Variants in STAT4 observed in about 807,000 individuals in gnomAD.
The protein encoded by STAT4 is signal transducer and activator of transcription 4.
Under a neutral mutation model 110.5 loss-of-function variants are expected in STAT4, and 42 were observed. The observed-to-expected ratio is 0.38, with a 90% CI of 0.30 to 0.49. The LOEUF (loss-of-function observed/expected upper bound fraction) is 0.49. Ranked by LOEUF, STAT4 falls within the 20% of genes least tolerant of loss-of-function variation. The probability of loss-of-function intolerance (pLI) is 0.95; values close to 1 mark genes in which losing one functional copy is unlikely to be tolerated. For missense variants in STAT4, 632 were observed against 887.9 expected (o/e 0.71, Z 3.66); for synonymous variants, 284 against 302.2 (o/e 0.94, Z 0.63).
chr2:191,076,308 A>G lies in STAT4; in HGVS notation c.291T>C (p.Asn97=), dbSNP rs1559055945. The change falls in exon 4 of 24, where the codon AAT becomes AAC. Residue 97 remains asparagine (N), a synonymous_variant. Coordinates refer to ENST00000392320, the MANE Select transcript of STAT4 (RefSeq NM_003151.4). ...RKVLQGKFHG[N]PMHVAVVISN... is the part of the protein sequence containing the mutation. ...AAATAACCACAGCTACATGCATTGG[A>G]TTTCCATGAAATTTTCCCTGAAAAA... The G allele has an allele frequency of 6.2e-7, 1 of 1,601,300 alleles. No homozygotes were observed. Among genetic ancestry groups the G allele is most frequent in the East Asian group, 2.2e-5 (1 of 44,808 alleles).
Position 191,147,333 on chromosome 2 carries a change from GA to G in STAT4, c.129-577del, listed in dbSNP as rs1381316264. ...AATATTATTGAGCTTCAAAAAGGAA[GA>G]AAATTCTGATATGATACCTGTTAAA... On this transcript the variant is annotated intron_variant, in intron 2 of 23. Transcript: ENST00000392320. The surrounding 1 kb of genome is among the most constrained non-coding windows in gnomAD (Gnocchi z 4.1). 2.6e-5 allele frequency among the ~76,000 whole-genome samples: 4 copies of G among 152,228 alleles called. No homozygotes were observed. The East Asian group carries it at 7.7e-4, about 29-fold the overall frequency.
intron 4 of STAT4, among the ~76,000 whole-genome samples, chr2:191,075,181 CTT>C: frequency 6.6e-6 from 1 of 150,982 alleles, no homozygotes; most frequent in African/African-American, 2.4e-5. Context: ...AAAAAAAAAA[CTT>C]TTGTTGGACC....
rs1027556335 is a variant in STAT4, at chr2:191,043,527, A to G, written c.1252-2379T>C. On this transcript the variant is annotated intron_variant, in intron 14 of 23. Coordinates refer to ENST00000392320, the MANE Select transcript of STAT4 (RefSeq NM_003151.4). This position sits in a 1 kb window ranked among gnomAD's most constrained non-coding sequence, Gnocchi z 4.8. ...CAGTATCTAGAAAAGTAGAAGATGCACATTACCTATACGTAACAATTCTTG... is the reference window on the plus strand; with the variant it reads ...CAGTATCTAGAAAAGTAGAAGATGCGCATTACCTATACGTAACAATTCTTG... 6.6e-6 allele frequency among the ~76,000 whole-genome samples: 1 copy of G among 152,224 alleles called. No individual in the cohort carries two copies. The highest frequency in any genetic ancestry group is 2.4e-5 in the African/African-American group (1 of 41,464).
intron 3 of STAT4, among the ~76,000 whole-genome samples, chr2:191,121,590 C>T (rs1698730522): frequency 6.6e-6 from 1 of 151,830 alleles, no homozygotes; most frequent in Admixed American, 6.6e-5. Context: ...TACTATGCAG[C>T]CATAAAAAGG....
chr2:191,133,454 G>C (rs1290434722), intron 3 of STAT4, among the ~76,000 whole-genome samples: 1 of 149,902 alleles, frequency 6.7e-6, no homozygotes, highest in Non-Finnish European at 1.5e-5. Context: ...AGTGTTCCTG[G>C]TGTGTGTGTG....
Position 191,148,066 on chromosome 2 carries a change from T to C in STAT4, c.128+10A>G, listed in dbSNP as rs968509566. The C allele has an allele frequency of 6.2e-7, 1 of 1,613,352 alleles. No homozygotes were observed. The highest frequency in any genetic ancestry group is 8.5e-7 in the Non-Finnish European group (1 of 1,179,568). ...GCATCAACTTCTAGGGAAAATATGTTTGATCCTACCAGTCTTGATTTTCAA... is the reference window on the plus strand; with the variant it reads ...GCATCAACTTCTAGGGAAAATATGTCTGATCCTACCAGTCTTGATTTTCAA... On this transcript the variant is annotated intron_variant, in intron 2 of 23. Coordinates refer to ENST00000392320, the MANE Select transcript of STAT4 (RefSeq NM_003151.4).
chr2:191,055,466 G>A (rs1210659767), intron 13 of STAT4, among the ~76,000 whole-genome samples: 1 of 142,744 alleles, frequency 7.0e-6, no homozygotes, highest in African/African-American at 2.7e-5. Flanking sequence ...TGATCCACCC[G>A]CCTCGGCCTC....
chr2:191,065,626 G>T (rs1696967272), intron 7 of STAT4, among the ~76,000 whole-genome samples: 1 of 152,008 alleles, frequency 6.6e-6, no homozygotes, highest in Non-Finnish European at 1.5e-5. Context: ...AAAATATATA[G>T]CATAGATTTA....
Position 191,146,782 on chromosome 2 carries a change from C to T in STAT4, c.129-25G>A, listed in dbSNP as rs1479562321. On this transcript the variant is annotated intron_variant, in intron 2 of 23. Coordinates refer to ENST00000392320, the MANE Select transcript of STAT4 (RefSeq NM_003151.4). This position sits in a 1 kb window ranked among gnomAD's most constrained non-coding sequence, Gnocchi z 4.5. Reference sequence around the variant, plus strand: ...CCTAAAAAAAAAAAGGATTATTACACAACAGAAAACAACTTTGTAAAATGT... The same window carrying T: ...CCTAAAAAAAAAAAGGATTATTACATAACAGAAAACAACTTTGTAAAATGT... The T allele has an allele frequency of 1.4e-6, 2 of 1,477,676 alleles. No individual in the cohort carries two copies. The highest frequency in any genetic ancestry group is 9.0e-7 in the Non-Finnish European group (1 of 1,112,560). 91.5% of individuals were successfully genotyped at this position (1,477,676 alleles called of 1,614,324 possible).
In STAT4 at chr2:191,061,758, T is replaced by G. The variant is rs1696856327; in HGVS notation, c.1005A>C (p.Lys335Asn). 1 of 1,613,746 alleles carries G rather than the reference T, an allele frequency of 6.2e-7. No homozygotes were observed. The highest frequency in any genetic ancestry group is 8.5e-7 in the Non-Finnish European group (1 of 1,179,898). ...GTTTTACAGTGAACTGAATTAGGGT[T>G]TTAAGTACCAACGGCCTCTGAGGGT... ...PTHPQRPLVLKTLIQFTVKLR... is the reference protein window; with the variant it reads ...PTHPQRPLVLNTLIQFTVKLR... The change falls in exon 10 of 24, where the codon AAA becomes AAC. Residue 335 changes from lysine (K) to asparagine (N), a missense_variant. Transcript: ENST00000392320. This position sits in a 1 kb window ranked among gnomAD's most constrained non-coding sequence, Gnocchi z 6.2.
At chr2:191,127,492 A>G (rs1698912464) in intron 3 of STAT4, among the ~76,000 whole-genome samples, 1 of 152,236 alleles carries the variant, frequency 6.6e-6, no homozygotes, top group African/African-American at 2.4e-5. Flanking sequence ...TTACCACACT[A>G]CATCATAAAT....
intron 6 of STAT4, among the ~76,000 whole-genome samples, chr2:191,067,003 A>G (rs1697006502): frequency 6.6e-6 from 1 of 150,980 alleles, no homozygotes; most frequent in Non-Finnish European, 1.5e-5. Flanking sequence ...AGTCTTATCT[A>G]CCTAGTCTCA....
In STAT4 at chr2:191,031,371, G is replaced by A. The variant is rs1695887774; in HGVS notation, c.2111+79C>T. On this transcript the variant is annotated intron_variant, in intron 22 of 23. Coordinates refer to ENST00000392320, the MANE Select transcript of STAT4 (RefSeq NM_003151.4). This position sits in a 1 kb window ranked among gnomAD's most constrained non-coding sequence, Gnocchi z 4.8. ...ATTACAATGCTTTGTTCTCAGTTAT[G>A]TGTACTCTGCTCTACCTTTAAATCT... 2 of 1,388,178 alleles carry A rather than the reference G, an allele frequency of 1.4e-6. No individual in the cohort carries two copies. Among genetic ancestry groups the A allele is most frequent in the South Asian group, 1.3e-5 (1 of 78,780 alleles). The allele number at this position is 1,388,178 out of a possible 1,614,324, so 86.0% of individuals were successfully genotyped here.
rs1042923345 is a variant in STAT4 at position 191,060,316 on chromosome 2, C to G, written c.1034+1413G>C. 6.6e-6 allele frequency among the ~76,000 whole-genome samples: 1 copy of G among 152,200 alleles called. No individual in the cohort carries two copies. The highest frequency in any genetic ancestry group is 1.9e-4 in the East Asian group (1 of 5,204). ...TCTCAAGGAAAAGTAGAATGTCCAC[C>G]ACTTCTCCATCTTATTTCACTCTCC... On this transcript the variant is annotated intron_variant, in intron 10 of 23. Transcript: ENST00000392320. The surrounding 1 kb of genome is among the most constrained non-coding windows in gnomAD (Gnocchi z 4.5).
intron 3 of STAT4, among the ~76,000 whole-genome samples, chr2:191,108,765 C>T (rs747541372): frequency 3.3e-5 from 5 of 152,222 alleles, no homozygotes; most frequent in Admixed American, 6.5e-5. Context: ...TTTAAACCAG[C>T]TAAAAGGTCA....
chr2:191,076,873 G>A (rs918039022), intron 3 of STAT4, among the ~76,000 whole-genome samples: 15 of 151,900 alleles, frequency 9.9e-5, no homozygotes, highest in Admixed American at 2.0e-4. Flanking sequence ...TCGAACTCCC[G>A]AACCCAGGTG....
chr2:191,103,540 A>G (rs959039739), intron 3 of STAT4, among the ~76,000 whole-genome samples: 8 of 152,186 alleles, frequency 5.3e-5, no homozygotes, highest in African/African-American at 1.9e-4. Context: ...TAAATCTCTT[A>G]TCAGAATCCA....
rs1696829205 is a variant in STAT4 at position 191,060,902 on chromosome 2, C to A, written c.1034+827G>T. Among the ~76,000 whole-genome samples, 1 of 152,180 alleles carries A rather than the reference C, an allele frequency of 6.6e-6. No homozygotes were observed. The highest frequency in any genetic ancestry group is 6.6e-5 in the Admixed American group (1 of 15,266). On this transcript the variant is annotated intron_variant, in intron 10 of 23. Transcript: ENST00000392320. The surrounding 1 kb of genome is among the most constrained non-coding windows in gnomAD (Gnocchi z 4.5). ...AGTGATATGTGATCAGCAACCTTAT[C>A]ATAGAACCCTAAACTGCTCTGTACC...
rs1477165974 is a variant in STAT4, at chr2:191,138,734, G to A, written c.273+7879C>T. ...ACTATTGCAAAAGATAGTGAAAGAG[G>A]GAATTCTCTCTAAATCATTCCATGA... On this transcript the variant is annotated intron_variant, in intron 3 of 23. Transcript: ENST00000392320. The surrounding 1 kb of genome is among the most constrained non-coding windows in gnomAD (Gnocchi z 4.3). Among the ~76,000 whole-genome samples, 1 of 152,064 alleles carries A rather than the reference G, an allele frequency of 6.6e-6. No individual in the cohort carries two copies. Among genetic ancestry groups the A allele is most frequent in the African/African-American group, 2.4e-5 (1 of 41,396 alleles).
Sources: allele counts gnomAD v4.1 joint callset (sites outside exome capture counted in the v4.1 genomes callset), GRCh38; gene constraint gnomAD v4.1.1; non-coding constraint Gnocchi (gnomAD v3.1); transcripts MANE v1.5; gene names NCBI Gene and HGNC (gene_info 2026-07-23, HGNC 2026-07-21).